Variants in ZNF71 observed in about 807,000 individuals in gnomAD.
The protein encoded by ZNF71 is zinc finger protein 71.
ZNF71 carries 3 observed loss-of-function variants against 6.7 expected under a neutral mutation model. The observed-to-expected ratio is 0.45, with a 90% confidence interval of 0.20 to 1.16. The LOEUF is 1.16. Ranked by LOEUF, ZNF71 falls within the 50% of genes most tolerant of loss-of-function variation. The pLI is 0.25. For missense variants in ZNF71, 688 were observed against 728.6 expected (o/e 0.94, Z 0.64); for synonymous variants, 343 against 311.1 (o/e 1.10, Z -1.08).
chr19:56,611,827 C>T (rs562010889), intron 2 of ZNF71, among the ~76,000 whole-genome samples: 16 of 152,210 alleles, frequency 1.1e-4, no homozygotes, highest in Non-Finnish European at 2.2e-4. Flanking sequence ...CACAGGACCA[C>T]GCTCCCTCTG....
chr19:56,614,498 GTTT>G (rs1183350095), intron 3 of ZNF71, among the ~76,000 whole-genome samples: 1 of 152,112 alleles, frequency 6.6e-6, no homozygotes, highest in Non-Finnish European at 1.5e-5. Context: ...AGTATGCAAA[GTTT>G]TCCATGGGAA....
intron 2 of ZNF71, among the ~76,000 whole-genome samples, chr19:56,612,101 T>A (rs1157167342): frequency 6.6e-6 from 1 of 152,230 alleles, no homozygotes; most frequent in African/African-American, 2.4e-5. Context: ...CTGCTGGGAA[T>A]ATAAATTAGT....
rs544510607 is a variant in ZNF71 at position 56,613,163 on chromosome 19, T to G, written c.34-649T>G. Among the ~76,000 whole-genome samples the G allele has an allele frequency of 2.0e-5, 3 of 152,338 alleles. No individual in the cohort carries two copies. Among genetic ancestry groups the G allele is most frequent in the African/African-American group, 7.2e-5 (3 of 41,578 alleles). The stretch of plus-strand genomic sequence containing the variant: ...CTCTCCACTCCCCAGCAGTCTCATC[T>G]GCCTTTTCACCTTCGGGTCTTGATC... On this transcript the variant is annotated intron_variant, in intron 2 of 3. Transcript: ENST00000599599. This position sits in a 1 kb window ranked among gnomAD's most constrained non-coding sequence, Gnocchi z 4.6.
At chr19:56,602,396 T>G (rs1235948649) in intron 2 of ZNF71, among the ~76,000 whole-genome samples, 1 of 152,240 alleles carries the variant, frequency 6.6e-6, no homozygotes. Context: ...TACGGCGGTA[T>G]GTATTCCCAC....
chr19:56,621,903 C>T lies in ZNF71; in HGVS notation c.796C>T (p.Arg266Cys), dbSNP rs747778809. Residue 266 changes from arginine to cysteine, a missense_variant, in exon 4 of 4, where the codon CGC (arginine) becomes TGC (cysteine). Physicochemically the swap from Arg to Cys is radical, Grantham distance 180. Transcript: ENST00000599599. ...SQRMNLTVHQ[R>C]THTGEKPYVC... ...GCGCATGAACCTCACTGTGCACCAG[C>T]GCACGCACACGGGCGAGAAGCCGTA... 8 of 1,613,278 alleles carry T rather than the reference C, an allele frequency of 5.0e-6. No individual in the cohort carries two copies. Among genetic ancestry groups the T allele is most frequent in the Non-Finnish European group, 5.9e-6 (7 of 1,179,868 alleles).
chr19:56,609,246 T>C (rs1198916773), intron 2 of ZNF71, among the ~76,000 whole-genome samples: 6 of 152,234 alleles, frequency 3.9e-5, no homozygotes, highest in African/African-American at 1.4e-4. Context: ...TGGCATCACC[T>C]GCTCTTACCA....
At chr19:56,610,170 A>G (rs1236322131) in intron 2 of ZNF71, 1 of 152,192 alleles carries the variant, frequency 6.6e-6, no homozygotes, top group Non-Finnish European at 1.5e-5. Flanking sequence ...GCTAGGTCAT[A>G]AGGTAACTCT....
At position 56,621,827 on chromosome 19, in the gene ZNF71, CA is replaced by C; in HGVS notation, c.721del (p.Thr241ArgfsTer19). The C allele has an allele frequency of 6.2e-7, 1 of 1,612,106 alleles. No individual in the cohort carries two copies. Among genetic ancestry groups the C allele is most frequent in the South Asian group, 1.1e-5 (1 of 91,068 alleles). On this transcript the variant is annotated frameshift_variant, in exon 4 of 4. Transcript: ENST00000599599. LOFTEE classifies it low-confidence loss of function (END_TRUNC). ...CCCTCACCATCCACCAGCGGGTGCA[CA>C]CGGGCGAGAAGCCCTATGCCTGCGG... Reference protein sequence around the residue: ...SSLTIHQRVHTGEKPYACGDC... With the variant: ...SSLTIHQRVHXGEKPYACGDC...
At chr19:56,612,376 A>T (rs188547716) in intron 2 of ZNF71, among the ~76,000 whole-genome samples, 4 of 152,330 alleles carry the variant, frequency 2.6e-5, no homozygotes, top group Admixed American at 2.0e-4. Context: ...CATATAATAT[A>T]TATGTATATC....
chr19:56,620,729 G>A (rs1181274439), intron 3 of ZNF71, among the ~76,000 whole-genome samples: 1 of 152,020 alleles, frequency 6.6e-6, no homozygotes, highest in Non-Finnish European at 1.5e-5. Context: ...AGAGGCGGGG[G>A]TGGGGGGTCT....
rs1013090192 is a variant in ZNF71, at chr19:56,601,488, CTCTT to C, written c.-52-14_-52-11del. Reference sequence around the variant, plus strand: ...AGGCCTGGTCTCTCAGCATGCCTCCCTCTTTCTTCTCCCTACAGCACTGTTGGTC... The same window carrying C: ...AGGCCTGGTCTCTCAGCATGCCTCCCTCTTCTCCCTACAGCACTGTTGGTC... On this transcript the variant is annotated splice_polypyrimidine_tract_variant and intron_variant, in intron 1 of 3. Transcript: ENST00000599599. 1.0e-6 allele frequency: 1 copy of C among 975,082 alleles called. No individual in the cohort carries two copies. Among genetic ancestry groups the C allele is most frequent in the African/African-American group, 1.8e-5 (1 of 56,912 alleles). 60.4% of individuals were successfully genotyped at this position (975,082 alleles called of 1,614,324 possible). A position where few individuals can be genotyped will look rare whatever the true frequency, so the allele number is the denominator to read the frequency against.
At chr19:56,602,512 A>G (rs2044678741) in intron 2 of ZNF71, among the ~76,000 whole-genome samples, 2 of 152,240 alleles carry the variant, frequency 1.3e-5, no homozygotes, top group African/African-American at 4.8e-5. Flanking sequence ...ATGATAATAA[A>G]TGATAAATGG....
At position 56,622,471 on chromosome 19, in the gene ZNF71, C is replaced by T. The variant is rs763418530; in HGVS notation, c.1364C>T (p.Ser455Leu). Residue 455 changes from serine to leucine, a missense_variant, in exon 4 of 4, where the codon TCG (serine) becomes TTG (leucine). By Grantham distance (145) the Ser-to-Leu change is moderately radical. Coordinates refer to ENST00000599599, the MANE Select transcript of ZNF71 (RefSeq NM_001370215.1). ...YICKKHFTGR[S>L]SLIVHQIVHT... ...TGCAAGAAGCACTTCACGGGGCGCT[C>T]GTCCCTCATCGTGCACCAGATCGTG... The T allele has an allele frequency of 2.0e-5, 32 of 1,608,484 alleles. 1 individual carries two copies. The highest frequency in any genetic ancestry group is 6.7e-5 in the Admixed American group (4 of 59,820).
At chr19:56,610,833 GAATGTCCTC>G (rs2044746425) in intron 2 of ZNF71, among the ~76,000 whole-genome samples, 1 of 152,190 alleles carries the variant, frequency 6.6e-6, no homozygotes. Context: ...TCATGGAGCA[GAATGTCCTC>G]AAGGTTCACC....
At position 56,595,853 on chromosome 19, in the gene ZNF71, TTGTGTG is replaced by T. The variant is rs60371305; in HGVS notation, c.-53+455_-53+460del. Among the ~76,000 whole-genome samples the T allele has an allele frequency of 3.8e-3, 519 of 137,588 alleles. 9 individuals are homozygous for T. The highest frequency in any genetic ancestry group is 0.013 in the East Asian group (59 of 4,452). 90.3% of individuals were successfully genotyped at this position (137,588 alleles called of 152,430 possible). A position where few individuals can be genotyped will look rare whatever the true frequency, so the allele number is the denominator to read the frequency against. On this transcript the variant is annotated intron_variant, in intron 1 of 3. Transcript: ENST00000599599. ...GGATATTGTGATTGTGTGTGTGTGT[TTGTGTG>T]TGTGTGTGTGTGTGTGTGTGTGTGT...
chr19:56,601,538 T>C lies in ZNF71; in HGVS notation c.-21T>C, dbSNP rs2044670733. 4 of 985,886 alleles carry C rather than the reference T, an allele frequency of 4.1e-6. No homozygotes were observed. The highest frequency in any genetic ancestry group is 1.0e-3 in the Middle Eastern group (2 of 1,916). The allele number at this position is 985,886 out of a possible 1,614,324, so 61.1% of individuals were successfully genotyped here. A position where few individuals can be genotyped will look rare whatever the true frequency, so the allele number is the denominator to read the frequency against. ...TGGTCACCGCAGGCCTGTCTTCCTA[T>C]TCACCGTGGGCAGCAGAGGGATGGC... On this transcript the variant is annotated 5_prime_UTR_variant, in exon 2 of 4. Coordinates refer to ENST00000599599, the MANE Select transcript of ZNF71 (RefSeq NM_001370215.1).
chr19:56,602,058 G>C (rs564733799), intron 2 of ZNF71, among the ~76,000 whole-genome samples: 14 of 152,286 alleles, frequency 9.2e-5, no homozygotes, highest in African/African-American at 3.4e-4. Context: ...GTCTGGCTAA[G>C]CAATTTTAAT....
At position 56,621,409 on chromosome 19, in the gene ZNF71, C is replaced by A; in HGVS notation, c.302C>A (p.Pro101Gln). 2 of 1,612,656 alleles carry A rather than the reference C, an allele frequency of 1.2e-6. No individual in the cohort carries two copies. Among genetic ancestry groups the A allele is most frequent in the Non-Finnish European group, 1.7e-6 (2 of 1,179,222 alleles). The change falls in exon 4 of 4, where the codon CCA becomes CAA. Residue 101 changes from proline to glutamine, a missense_variant. Pro to Gln is a moderately conservative substitution (Grantham distance 76). Coordinates refer to ENST00000599599, the MANE Select transcript of ZNF71 (RefSeq NM_001370215.1). ...RGPGSEGVWE[P>Q]GSWPERPRGD... Reference sequence around the variant, plus strand: ...CCTGGCTCAGAAGGAGTGTGGGAACCAGGCAGCTGGCCAGAGAGGCCGCGG... The same window carrying A: ...CCTGGCTCAGAAGGAGTGTGGGAACAAGGCAGCTGGCCAGAGAGGCCGCGG...
At chr19:56,595,853 TTGTGTGTG>T (rs60371305) in intron 1 of ZNF71, among the ~76,000 whole-genome samples, 118 of 137,600 alleles carry the variant, frequency 8.6e-4, no homozygotes, top group Middle Eastern at 8.1e-3. Flanking sequence ...GTGTGTGTGT[TTGTGTGTG>T]TGTGTGTGTG....
Sources: allele counts gnomAD v4.1 joint callset (sites outside exome capture counted in the v4.1 genomes callset), GRCh38; gene constraint gnomAD v4.1.1; non-coding constraint Gnocchi (gnomAD v3.1); transcripts MANE v1.5; gene names NCBI Gene and HGNC (gene_info 2026-07-23, HGNC 2026-07-21).